The following SSBP3 variants were observed in gnomAD, a reference collection of about 807,000 sequenced individuals.
SSBP3 encodes the protein single stranded DNA binding protein 3.
In SSBP3, 5 loss-of-function variants were observed where a neutral mutation model predicts 69.6. That is an observed-to-expected ratio of 0.07 (90% CI 0.04 to 0.15). The LOEUF (loss-of-function observed/expected upper bound fraction) is 0.15, where lower values mean the gene tolerates loss of function less well. Among genes scored for constraint, SSBP3 ranks in the 10% least tolerant of loss-of-function variants. The pLI, the probability that SSBP3 is intolerant of heterozygous loss-of-function variation, is 1.00. For synonymous variants in SSBP3, 196 were observed against 193.4 expected (o/e 1.01, Z -0.11); for missense variants, 312 against 534.0 (o/e 0.58, Z 4.10).
chr1:54,356,165 A>G (rs1646859753), intron 4 of SSBP3, among the ~76,000 whole-genome samples: 1 of 152,012 alleles, frequency 6.6e-6, no homozygotes, highest in South Asian at 2.1e-4. Flanking sequence ...ATAATTTTTA[A>G]CCCTTTAACT....
At position 54,378,460 on chromosome 1, in the gene SSBP3, G is replaced by A. The variant is rs189284454; in HGVS notation, c.276+23401C>T. Among the ~76,000 whole-genome samples the A allele has an allele frequency of 2.6e-3, 398 of 152,246 alleles. 1 individual carries two copies. The highest frequency in any genetic ancestry group is 4.1e-3 in the Non-Finnish European group (282 of 68,016). On this transcript the variant is annotated intron_variant, in intron 4 of 17. Coordinates refer to ENST00000610401, the Ensembl canonical transcript of SSBP3. ...AGAGGGGCTGTGGTGGAGAACCCAGGGCCCTTTACCAGGGAAAGGGGTGTA... is the reference window on the plus strand; with the variant it reads ...AGAGGGGCTGTGGTGGAGAACCCAGAGCCCTTTACCAGGGAAAGGGGTGTA...
intron 4 of SSBP3, among the ~76,000 whole-genome samples, chr1:54,350,725 G>A (rs1427201642): frequency 6.6e-6 from 1 of 152,192 alleles, no homozygotes; most frequent in Non-Finnish European, 1.5e-5. Flanking sequence ...CCTGGGGGCA[G>A]CAGCAGCCCA....
chr1:54,384,532 T>G (rs1647935740), intron 4 of SSBP3, among the ~76,000 whole-genome samples: 1 of 152,184 alleles, frequency 6.6e-6, no homozygotes, highest in Non-Finnish European at 1.5e-5. Context: ...GGCTCAAAGA[T>G]TATTAGAAGC....
At chr1:54,407,264 C>A (rs1649845557), upstream of SSBP3, among the ~76,000 whole-genome samples, 1 of 152,236 alleles carries the variant, frequency 6.6e-6, no homozygotes, top group Non-Finnish European at 1.5e-5. Context: ...GGCTTCTGCA[C>A]GGGAAAGGGT....
At position 54,258,712 on chromosome 1, in the gene SSBP3, C is replaced by T. The variant is rs1035076858; in HGVS notation, c.367-563G>A. 7.2e-5 allele frequency among the ~76,000 whole-genome samples: 11 copies of T among 151,994 alleles called. No individual in the cohort carries two copies. The highest frequency in any genetic ancestry group is 2.0e-4 in the Admixed American group (3 of 15,268). ...CTGGGGGCAGGAGGGCCGGGGGCAC[C>T]GACAGATAAACAACAGAGGCAAGAG... On this transcript the variant is annotated intron_variant, in intron 5 of 17. Transcript: ENST00000610401. This position sits in a 1 kb window ranked among gnomAD's most constrained non-coding sequence, Gnocchi z 4.5.
At chr1:54,240,519 G>A (rs1644614601) in intron 13 of SSBP3, among the ~76,000 whole-genome samples, 2 of 148,564 alleles carry the variant, frequency 1.3e-5, no homozygotes, top group East Asian at 4.0e-4. Flanking sequence ...TAGAGGACCA[G>A]AAGCCAGGAG....
chr1:54,374,101 G>C (rs1443972453), intron 4 of SSBP3, among the ~76,000 whole-genome samples: 1 of 152,268 alleles, frequency 6.6e-6, no homozygotes, highest in African/African-American at 2.4e-5. Flanking sequence ...CTGGCTGGAA[G>C]CCTGTCTTTG....
intron 9 of SSBP3, among the ~76,000 whole-genome samples, chr1:54,245,074 G>A (rs1644710090): frequency 6.6e-6 from 1 of 152,220 alleles, no homozygotes; most frequent in African/African-American, 2.4e-5. Flanking sequence ...GACCGAAGAA[G>A]GGAATGCATG....
intron 4 of SSBP3, among the ~76,000 whole-genome samples, chr1:54,314,245 G>A (rs1646057311): frequency 6.6e-6 from 1 of 152,190 alleles, no homozygotes; most frequent in Non-Finnish European, 1.5e-5. Flanking sequence ...AGGGGTAGGG[G>A]AGGAAGACCA....
rs781390606 is a variant in SSBP3, at chr1:54,227,186, G to C, written c.1138-26C>G. The C allele has an allele frequency of 2.0e-5, 23 of 1,143,692 alleles. 1 individual carries two copies. Among genetic ancestry groups the C allele is most frequent in the African/African-American group, 9.8e-5 (6 of 61,246 alleles). 70.8% of individuals were successfully genotyped at this position (1,143,692 alleles called of 1,614,324 possible). ...CTGGAAAGGAGAAGCAGAGAAGGGG[G>C]GGGGGTGAGGATTGTGGGGAGGCCG... On this transcript the variant is annotated intron_variant, in intron 17 of 17. Transcript: ENST00000610401.
chr1:54,257,994 G>A (rs2100748816), intron 6 of SSBP3, 75 bp downstream of exon 6: 1 of 1,424,028 alleles, frequency 7.0e-7, no homozygotes, highest in Non-Finnish European at 9.5e-7. Context: ...TTTGATTTTT[G>A]TTTTTCCTCT....
chr1:54,318,124 G>T (rs1259048306), intron 4 of SSBP3, among the ~76,000 whole-genome samples: 1 of 152,158 alleles, frequency 6.6e-6, no homozygotes, highest in Non-Finnish European at 1.5e-5. Context: ...TGGGAGCGAG[G>T]AGAGGTGGGT....
chr1:54,307,531 G>A (rs1446871932), intron 4 of SSBP3, among the ~76,000 whole-genome samples: 4 of 152,162 alleles, frequency 2.6e-5, no homozygotes, highest in Admixed American at 6.5e-5. Context: ...CTTCATATCC[G>A]TCAGGGGTGT....
At chr1:54,386,884 G>C (rs544130186) in intron 4 of SSBP3, among the ~76,000 whole-genome samples, 3 of 151,376 alleles carry the variant, frequency 2.0e-5, no homozygotes, top group South Asian at 4.2e-4. Flanking sequence ...CAAGCAAGAG[G>C]CCTCTCTCCT....
At chr1:54,294,364 T>C (rs1362921885) in intron 4 of SSBP3, among the ~76,000 whole-genome samples, 1 of 151,952 alleles carries the variant, frequency 6.6e-6, no homozygotes, top group Non-Finnish European at 1.5e-5. Context: ...CCACAAACTG[T>C]TCCTTCTGCC....
chr1:54,313,494 C>T (rs1284807592), intron 4 of SSBP3, among the ~76,000 whole-genome samples: 2 of 139,026 alleles, frequency 1.4e-5, no homozygotes, highest in African/African-American at 2.8e-5. Context: ...ACTATGTTGC[C>T]GAGGCTGGGT....
intron 4 of SSBP3, among the ~76,000 whole-genome samples, chr1:54,318,828 TG>T (rs1646161674): frequency 6.6e-6 from 1 of 152,172 alleles, no homozygotes; most frequent in Admixed American, 6.5e-5. Context: ...GCCTTACCTA[TG>T]CCAGTTACAA....
intron 14 of SSBP3, among the ~76,000 whole-genome samples, chr1:54,230,918 A>G (rs191787687): frequency 1.5e-3 from 227 of 152,342 alleles, no homozygotes; most frequent in African/African-American, 5.3e-3. Flanking sequence ...CATCAGCAGA[A>G]GGAACGTTCA....
chr1:54,240,782 G>A (rs1204993369), intron 13 of SSBP3, 123 bp downstream of exon 13: 1 of 1,284,722 alleles, frequency 7.8e-7, no homozygotes, highest in South Asian at 1.3e-5. Flanking sequence ...AGTGGAAGAT[G>A]TGCTGCCCAG....
Sources: gnomAD v4.1 joint callset for allele counts (sites outside exome capture counted in the v4.1 genomes callset) on GRCh38, gnomAD v4.1.1 for gene constraint, Gnocchi (gnomAD v3.1) non-coding constraint, MANE v1.5 for transcripts, NCBI Gene and HGNC (gene_info 2026-07-23, HGNC 2026-07-21) for gene names.